Variants in ERMARD observed in about 807,000 individuals in gnomAD.
ERMARD encodes the protein ER membrane associated RNA degradation, also known as endoplasmic reticulum membrane-associated RNA degradation protein.
A neutral mutation model predicts 83.9 loss-of-function variants in ERMARD; 71 were observed. The observed-to-expected ratio is 0.85, with a 90% CI of 0.70 to 1.03. ERMARD has a LOEUF of 1.03. Among genes scored for constraint, ERMARD ranks in the 50% least tolerant of loss-of-function variants. The probability of loss-of-function intolerance (pLI) is 0.00; values close to 1 mark genes in which losing one functional copy is unlikely to be tolerated. For missense variants in ERMARD, 838 were observed against 810.9 expected, an observed-to-expected ratio of 1.03 and a Z score of -0.41; for synonymous variants, 284 against 298.6, an observed-to-expected ratio of 0.95 and a Z score of 0.50.
intron 9 of ERMARD, among the ~76,000 whole-genome samples, chr6:169,765,394 G>T (rs1417473892): frequency 6.6e-6 from 1 of 152,226 alleles, no homozygotes; most frequent in Non-Finnish European, 1.5e-5. Context: ...TTACTTTTGT[G>T]TCATGAGGTT....
intron 1 of ERMARD, 91 bp downstream of exon 1, chr6:169,751,754 C>G (rs1040606850): frequency 2.1e-6 from 3 of 1,433,828 alleles, no homozygotes; most frequent in Admixed American, 3.1e-5. Context: ...AGTGGGCGAG[C>G]GAGCACGCGC....
chr6:169,762,689 A>G (rs1366311417), intron 9 of ERMARD, among the ~76,000 whole-genome samples, 158 bp downstream of exon 9: 2 of 152,234 alleles, frequency 1.3e-5, no homozygotes, highest in East Asian at 1.9e-4. Flanking sequence ...TAGGATTTAT[A>G]TTTATGTTAT....
intron 12 of ERMARD, among the ~76,000 whole-genome samples, chr6:169,770,210 A>G (rs1193415959): frequency 6.6e-6 from 1 of 152,242 alleles, no homozygotes; most frequent in African/African-American, 2.4e-5. Context: ...CTAGAAATAG[A>G]AAAATTAATG....
intron 10 of ERMARD, 105 bp downstream of exon 10, chr6:169,766,772 T>C: frequency 8.0e-7 from 1 of 1,246,548 alleles, no homozygotes; most frequent in Non-Finnish European, 1.1e-6. Flanking sequence ...AATCATATAC[T>C]TACAGGAAAA....
At chr6:169,779,603 G>A (rs1485922857) in intron 17 of ERMARD, among the ~76,000 whole-genome samples, 1 of 152,002 alleles carries the variant, frequency 6.6e-6, no homozygotes, top group Non-Finnish European at 1.5e-5. Context: ...CAGGTGATCT[G>A]CCACCTCAGC....
chr6:169,776,082 C>G lies in ERMARD; in HGVS notation c.1520+17C>G. The G allele has an allele frequency of 6.2e-7, 1 of 1,610,374 alleles. No individual in the cohort carries two copies. The highest frequency in any genetic ancestry group is 8.5e-7 in the Non-Finnish European group (1 of 1,178,768). ...TACTGAGACGTAAGTTCCAGGACAT[C>G]CTGACAACTGTTGAAACATTGATTC... On this transcript the variant is annotated intron_variant, in intron 15 of 17. Coordinates refer to ENST00000366773, the MANE Select transcript of ERMARD (RefSeq NM_018341.3).
In ERMARD at chr6:169,760,017, A is replaced by G. The variant is rs745305789; in HGVS notation, c.742+43A>G. The G allele has an allele frequency of 1.1e-5, 17 of 1,611,746 alleles. No homozygotes were observed. The East Asian group carries it at 3.3e-4, about 32-fold the overall frequency. On this transcript the variant is annotated intron_variant, in intron 7 of 17. Coordinates refer to ENST00000366773, the MANE Select transcript of ERMARD (RefSeq NM_018341.3). ...CATTTTTCCTTATAGCTTTGCGTAG[A>G]TATTTGCAAAGTCAGTAAACAGCAT... is the stretch of plus-strand genomic sequence containing the variant.
At chr6:169,755,578 G>T in intron 3 of ERMARD, 156 bp downstream of exon 3, 2 of 845,738 alleles carry the variant, frequency 2.4e-6, no homozygotes, top group Non-Finnish European at 3.6e-6. Context: ...ATTATGCAGG[G>T]TCTCCAAAGC....
At chr6:169,751,957 G>A in intron 1 of ERMARD, 1 of 436,382 alleles carries the variant, frequency 2.3e-6, no homozygotes, top group Non-Finnish European at 4.0e-6. Context: ...GGCTGTGCGC[G>A]GTGGCGCGGG....
rs537314791 is a variant in ERMARD, at chr6:169,776,543, C to G, written c.1609C>G (p.Arg537Gly). The G allele has an allele frequency of 6.2e-7, 1 of 1,614,052 alleles. No homozygotes were observed. Among genetic ancestry groups the G allele is most frequent in the Non-Finnish European group, 8.5e-7 (1 of 1,180,048 alleles). ...RIVLEVLVVL[R>G]SISEQCRRVS... ...TGTGCTGGAAGTGCTGGTTGTGCTC[C>G]GAAGCATCAGCGAACAGTGCCGCCG... Residue 537 changes from arginine to glycine, a missense_variant, in exon 16 of 18, where the codon CGA becomes GGA. Coordinates refer to ENST00000366773, the MANE Select transcript of ERMARD (RefSeq NM_018341.3).
In ERMARD at chr6:169,776,555, G is replaced by T. The variant is rs559633528; in HGVS notation, c.1621G>T (p.Glu541Ter). ...GCTGGTTGTGCTCCGAAGCATCAGC[G>T]AACAGTGCCGCCGTGTGTCCAGCCA... ...EVLVVLRSIS[E>*]QCRRVSSQVT... The change falls in exon 16 of 18, where the codon GAA becomes TAA. Residue 541 changes from glutamate (E) to a stop codon, truncating the protein, a stop_gained. Transcript: ENST00000366773. LOFTEE classifies it high-confidence loss of function. 1 of 1,614,176 alleles carries T rather than the reference G, an allele frequency of 6.2e-7. No individual in the cohort carries two copies. Among genetic ancestry groups the T allele is most frequent in the Non-Finnish European group, 8.5e-7 (1 of 1,180,030 alleles).
chr6:169,754,576 CTAAA>C (rs1790558790), intron 2 of ERMARD, among the ~76,000 whole-genome samples: 1 of 151,986 alleles, frequency 6.6e-6, no homozygotes, highest in African/African-American at 2.4e-5. Context: ...TTTATAATAG[CTAAA>C]TAAATAAACA....
intron 12 of ERMARD, chr6:169,770,630 T>C (rs546594357): frequency 2.0e-4 from 31 of 152,186 alleles, no homozygotes; most frequent in African/African-American, 7.0e-4. Flanking sequence ...ATTATTATTA[T>C]TTTTTATGAG....
chr6:169,762,704 G>T (rs1456181264), intron 9 of ERMARD, among the ~76,000 whole-genome samples, 173 bp downstream of exon 9: 1 of 152,146 alleles, frequency 6.6e-6, no homozygotes, highest in African/African-American at 2.4e-5. Flanking sequence ...TGTTATTTAT[G>T]ATTGTTTTTG....
intron 3 of ERMARD, among the ~76,000 whole-genome samples, chr6:169,755,849 G>C (rs1339929129): frequency 6.6e-6 from 1 of 152,130 alleles, no homozygotes; most frequent in Non-Finnish European, 1.5e-5. Context: ...CCAAAATCTT[G>C]TTTTCATTTG....
At position 169,779,259 on chromosome 6, in the gene ERMARD, G is replaced by A. The variant is rs1198056093; in HGVS notation, c.1817G>A (p.Cys606Tyr). ...GAGTTGGTCAACATTCATGCTGTTT[G>A]TGGGAAGAATGCGCATGAGTATCAG... is the stretch of plus-strand genomic sequence containing the variant. ...ALELVNIHAV[C>Y]GKNAHEYQQY... The change falls in exon 17 of 18, where the codon TGT (cysteine) becomes TAT (tyrosine). Residue 606 changes from cysteine (C) to tyrosine (Y), a missense_variant. Transcript: ENST00000366773. 6.2e-7 allele frequency: 1 copy of A among 1,614,102 alleles called. No individual in the cohort carries two copies. Among genetic ancestry groups the A allele is most frequent in the Non-Finnish European group, 8.5e-7 (1 of 1,180,044 alleles).
At chr6:169,764,981 G>A (rs1037463908) in intron 9 of ERMARD, among the ~76,000 whole-genome samples, 2 of 152,300 alleles carry the variant, frequency 1.3e-5, no homozygotes, top group Middle Eastern at 3.4e-3. Context: ...AGGTCTCTGC[G>A]GGTTCTCTGA....
intron 3 of ERMARD, 99 bp downstream of exon 3, chr6:169,755,521 G>A: frequency 6.8e-7 from 1 of 1,474,480 alleles, no homozygotes; most frequent in African/African-American, 1.4e-5. Flanking sequence ...TTCATCCCCA[G>A]GCCCTCCAGC....
intron 6 of ERMARD, 44 bp from the exon 7 acceptor site, chr6:169,759,794 T>C (rs1475599506): frequency 6.5e-7 from 1 of 1,543,346 alleles, no homozygotes; most frequent in Non-Finnish European, 8.9e-7. Flanking sequence ...TTTATAGGCA[T>C]GATTGAGTAC....
Sources: allele counts gnomAD v4.1 joint callset (sites outside exome capture counted in the v4.1 genomes callset), GRCh38; gene constraint gnomAD v4.1.1; transcripts MANE v1.5; gene names NCBI Gene and HGNC (gene_info 2026-07-23, HGNC 2026-07-21).